MRPL48: variants seen among roughly 807,000 people sequenced by gnomAD.
MRPL48 encodes the protein large ribosomal subunit protein mL48.
A neutral mutation model predicts 32.9 loss-of-function variants in MRPL48; 16 were observed. That is an observed-to-expected ratio of 0.49 (90% CI 0.33 to 0.74). The LOEUF (loss-of-function observed/expected upper bound fraction) is 0.74. Ranked by LOEUF, MRPL48 falls within the 30% of genes least tolerant of loss-of-function variation. The pLI, the probability that MRPL48 is intolerant of heterozygous loss-of-function variation, is 0.02. For missense variants in MRPL48, 206 were observed against 245.3 expected, an observed-to-expected ratio of 0.84 and a Z score of 1.07; for synonymous variants, 94 against 89.2, an observed-to-expected ratio of 1.05 and a Z score of -0.31.
Position 73,825,794 on chromosome 11 carries a change from G to A in MRPL48, c.199G>A (p.Glu67Lys). ...GKYKHLIKAE[E>K]PKKKKGKVEV... is the part of the protein sequence containing the mutation. ...GTACAAGCACTTAATTAAAGCAGAA[G>A]AGGTAACGGGCAGGGGGAGTCTTTT... The change falls in exon 4 of 8, where the codon GAG (glutamate) becomes AAG (lysine). Residue 67 changes from glutamate (E) to lysine (K), a missense_variant and splice_region_variant. By Grantham distance (56) the Glu-to-Lys change is moderately conservative (BLOSUM62 1). Coordinates refer to ENST00000310614, the MANE Select transcript of MRPL48 (RefSeq NM_016055.6). 6.4e-7 allele frequency: 1 copy of A among 1,560,562 alleles called. No individual in the cohort carries two copies. Among genetic ancestry groups the A allele is most frequent in the Non-Finnish European group, 8.7e-7 (1 of 1,152,156 alleles).
chr11:73,788,275 G>T (rs948374463), intron 1 of MRPL48, among the ~76,000 whole-genome samples: 1 of 152,098 alleles, frequency 6.6e-6, no homozygotes, highest in African/African-American at 2.4e-5. Context: ...AGAGCTCTGC[G>T]ATGGGAATCA....
chr11:73,825,171 T>C (rs1297241096), intron 3 of MRPL48, among the ~76,000 whole-genome samples: 1 of 152,204 alleles, frequency 6.6e-6, no homozygotes, highest in Non-Finnish European at 1.5e-5. Flanking sequence ...ACAGAAGTTT[T>C]AACTTTTTAT....
chr11:73,831,065 C>T (rs1024113197), intron 4 of MRPL48, among the ~76,000 whole-genome samples: 1 of 152,042 alleles, frequency 6.6e-6, no homozygotes, highest in Admixed American at 6.6e-5. Flanking sequence ...GTCTCAAACT[C>T]CTGACCTCAG....
Position 73,795,063 on chromosome 11 carries a change from C to G in MRPL48, c.21+7071C>G, listed in dbSNP as rs182793964. ...AGTAGCTGGGACTACAGGCACCCAC[C>G]ACCACACCCAGCTAATTTTTTTGTA... On this transcript the variant is annotated intron_variant, in intron 1 of 7. Transcript: ENST00000310614. Among the ~76,000 whole-genome samples the G allele has an allele frequency of 3.3e-3, 505 of 151,960 alleles. 3 individuals are homozygous for G. Among genetic ancestry groups the G allele is most frequent in the Non-Finnish European group, 5.2e-3 (355 of 67,966 alleles).
At chr11:73,862,783 G>A (rs1948605575) in intron 6 of MRPL48, among the ~76,000 whole-genome samples, 1 of 152,220 alleles carries the variant, frequency 6.6e-6, no homozygotes, top group South Asian at 2.1e-4. Flanking sequence ...AGCCGGGACT[G>A]GTGGCACGTG....
At position 73,787,949 on chromosome 11, in the gene MRPL48, T is replaced by C. The variant is rs768299445; in HGVS notation, c.-23T>C. ...GGGTCCGGTCTTCGGTTTGCACAGC[T>C]AGAGGCCGCGCAGCAGCAAAGGATG... On this transcript the variant is annotated 5_prime_UTR_variant, in exon 1 of 8. Transcript: ENST00000310614. 1.2e-6 allele frequency: 2 copies of C among 1,612,362 alleles called. No homozygotes were observed. Among genetic ancestry groups the C allele is most frequent in the South Asian group, 2.2e-5 (2 of 90,824 alleles).
chr11:73,849,890 G>A (rs1170032028), intron 5 of MRPL48, among the ~76,000 whole-genome samples: 1 of 152,192 alleles, frequency 6.6e-6, no homozygotes, highest in Non-Finnish European at 1.5e-5. Context: ...TTGAACTCAG[G>A]AGTTTGAGAC....
chr11:73,835,110 G>A (rs1026325139), intron 4 of MRPL48, among the ~76,000 whole-genome samples: 3 of 150,438 alleles, frequency 2.0e-5, no homozygotes, highest in Non-Finnish European at 2.9e-5. Flanking sequence ...TGGGATTACA[G>A]GTGTGAGCCA....
chr11:73,824,841 A>G (rs11235920), intron 3 of MRPL48, among the ~76,000 whole-genome samples: 15,507 of 152,214 alleles, frequency 0.1, 931 homozygotes, highest in South Asian at 0.27. Flanking sequence ...GAATTTCTCA[A>G]AGAAAGATGA....
At chr11:73,859,471 G>C (rs1265757562) in intron 5 of MRPL48, among the ~76,000 whole-genome samples, 1 of 151,768 alleles carries the variant, frequency 6.6e-6, no homozygotes, top group Non-Finnish European at 1.5e-5. Context: ...TGTAGAGACA[G>C]GGTCTTACTG....
At chr11:73,788,083 G>T in intron 1 of MRPL48, 91 bp downstream of exon 1, 1 of 1,558,640 alleles carries the variant, frequency 6.4e-7, no homozygotes, top group East Asian at 2.3e-5. Context: ...GGGAGGTGGC[G>T]GCGCGCGGAC....
At chr11:73,803,728 A>T (rs1947396959) in intron 1 of MRPL48, among the ~76,000 whole-genome samples, 1 of 151,910 alleles carries the variant, frequency 6.6e-6, no homozygotes, top group Non-Finnish European at 1.5e-5. Flanking sequence ...TTAAGAACAG[A>T]CTTTTTTTTT....
At chr11:73,856,879 C>A (rs1948488386) in intron 5 of MRPL48, among the ~76,000 whole-genome samples, 2 of 151,712 alleles carry the variant, frequency 1.3e-5, no homozygotes, top group Non-Finnish European at 2.9e-5. Flanking sequence ...TTGGAAGGTA[C>A]AAAATAGTGT....
chr11:73,860,462 CTA>C (rs1165760913), intron 6 of MRPL48: 1 of 152,428 alleles, frequency 6.6e-6, no homozygotes, highest in Admixed American at 6.5e-5. Flanking sequence ...TCACCAAATT[CTA>C]TAGCTTCTAC....
intron 1 of MRPL48, among the ~76,000 whole-genome samples, chr11:73,797,998 G>A (rs1255806411): frequency 3.9e-5 from 6 of 152,170 alleles, no homozygotes; most frequent in Non-Finnish European, 7.3e-5. Flanking sequence ...CAGCCATAAG[G>A]ACCCAATCCA....
chr11:73,860,968 T>C (rs1948576368), intron 6 of MRPL48, among the ~76,000 whole-genome samples: 1 of 152,170 alleles, frequency 6.6e-6, no homozygotes, highest in African/African-American at 2.4e-5. Flanking sequence ...AAATGGCCTT[T>C]TGTGTCAGAC....
chr11:73,815,049 T>C (rs1366996633), intron 3 of MRPL48, among the ~76,000 whole-genome samples: 1 of 152,108 alleles, frequency 6.6e-6, no homozygotes, highest in Non-Finnish European at 1.5e-5. Flanking sequence ...TCTGGAATTA[T>C]AAGTGGAGCA....
chr11:73,843,637 G>A (rs1948232414), intron 4 of MRPL48, among the ~76,000 whole-genome samples: 2 of 152,200 alleles, frequency 1.3e-5, no homozygotes, highest in Admixed American at 6.5e-5. Context: ...TTCTCAAAAG[G>A]AATGCTGTGT....
At position 73,824,701 on chromosome 11, in the gene MRPL48, G is replaced by A. The variant is rs372172390; in HGVS notation, c.113-1007G>A. Reference sequence around the variant, plus strand: ...GTTAGAAAACTTCAAAAGGGAAGGCGAAAGGATTTTTTTTTCAAAAGAAAA... The same window carrying A: ...GTTAGAAAACTTCAAAAGGGAAGGCAAAAGGATTTTTTTTTCAAAAGAAAA... On this transcript the variant is annotated intron_variant, in intron 3 of 7. Transcript: ENST00000310614. Among the ~76,000 whole-genome samples, 418 of 152,112 alleles carry A rather than the reference G, an allele frequency of 2.7e-3. 2 individuals are homozygous for A. Among genetic ancestry groups the A allele is most frequent in the African/African-American group, 9.5e-3 (394 of 41,504 alleles).
Sources: gnomAD v4.1 joint callset for allele counts (sites outside exome capture counted in the v4.1 genomes callset) on GRCh38, gnomAD v4.1.1 for gene constraint, MANE v1.5 for transcripts, NCBI Gene and HGNC (gene_info 2026-07-23, HGNC 2026-07-21) for gene names.